Variants in IPCEF1 observed in about 807,000 individuals in gnomAD.
IPCEF1 encodes interaction protein for cytohesin exchange factors 1.
Under a neutral mutation model 50.9 loss-of-function variants are expected in IPCEF1, and 31 were observed. The ratio of observed to expected loss-of-function variants is 0.61; its 90% CI spans 0.46 to 0.82. IPCEF1 has a LOEUF of 0.82. IPCEF1 is among the 40% of genes least tolerant of loss of function. IPCEF1 has a pLI of 0.00. For synonymous variants in IPCEF1, 181 were observed against 192.0 expected (o/e 0.94, Z 0.47); for missense variants, 458 against 514.0 (o/e 0.89, Z 1.05).
At chr6:154,171,573 T>C (rs1010800006) in intron 10 of IPCEF1, among the ~76,000 whole-genome samples, 1 of 152,194 alleles carries the variant, frequency 6.6e-6, no homozygotes, top group Admixed American at 6.5e-5. Flanking sequence ...ATTCCAAATA[T>C]ACTAAAAACC....
rs1798692730 is a variant in IPCEF1, at chr6:154,155,865, T to C, written c.*3963A>G. 1 of 152,254 alleles carries C rather than the reference T, an allele frequency of 6.6e-6. No individual in the cohort carries two copies. Among genetic ancestry groups the C allele is most frequent in the Non-Finnish European group, 1.5e-5 (1 of 68,044 alleles). 9.4% of individuals were successfully genotyped at this position (152,254 alleles called of 1,614,324 possible). A position where few individuals can be genotyped will look rare whatever the true frequency, so the allele number is the denominator to read the frequency against. On this transcript the variant is annotated 3_prime_UTR_variant, in exon 12 of 12. Transcript: ENST00000367220. ...GTCTTAAATTTGAATAGCACTTCTTTTCAAAAGACTTAAAAATATTTTTTC... is the reference window on the plus strand; with the variant it reads ...GTCTTAAATTTGAATAGCACTTCTTCTCAAAAGACTTAAAAATATTTTTTC...
intron 1 of IPCEF1, among the ~76,000 whole-genome samples, chr6:154,350,865 C>T (rs1376976544): frequency 1.3e-5 from 2 of 152,118 alleles, no homozygotes; most frequent in Non-Finnish European, 2.9e-5. Flanking sequence ...GGATTACAGG[C>T]ACACATCACC....
At chr6:154,283,891 C>T (rs559630133) in intron 2 of IPCEF1, among the ~76,000 whole-genome samples, 35 of 151,802 alleles carry the variant, frequency 2.3e-4, no homozygotes, top group Non-Finnish European at 3.8e-4. Context: ...ATGTGCCCTA[C>T]GTGAAAACAT....
Position 154,246,670 on chromosome 6 carries a change from C to T in IPCEF1, c.167G>A (p.Gly56Glu). ...TTTCCATTTGTTGCTTAGGAAACTT[C>T]CCTTTTCCTTTTTCTTATACAGCCA... ...QGWLYKKKEKGSFLSNKWKKF... is the reference protein window; with the variant it reads ...QGWLYKKKEKESFLSNKWKKF... Residue 56 changes from glycine to glutamate, a missense_variant, in exon 5 of 12, where the codon GGA (glycine) becomes GAA (glutamate). Coordinates refer to ENST00000367220, the MANE Select transcript of IPCEF1 (RefSeq NM_001130700.2). The T allele has an allele frequency of 6.2e-7, 1 of 1,614,094 alleles. No homozygotes were observed. The highest frequency in any genetic ancestry group is 8.5e-7 in the Non-Finnish European group (1 of 1,179,998).
chr6:154,223,551 C>T (rs1359668084), intron 5 of IPCEF1, among the ~76,000 whole-genome samples: 4 of 93,396 alleles, frequency 4.3e-5, no homozygotes, highest in Non-Finnish European at 6.3e-5. Context: ...GAAAACATAG[C>T]TAACCCAACA....
At chr6:154,271,477 A>G (rs1389237113) in intron 2 of IPCEF1, among the ~76,000 whole-genome samples, 1 of 152,204 alleles carries the variant, frequency 6.6e-6, no homozygotes, top group East Asian at 1.9e-4. Flanking sequence ...CTTTTAAAAA[A>G]AATTACAGGA....
intron 1 of IPCEF1, among the ~76,000 whole-genome samples, chr6:154,352,237 T>C (rs1784131205): frequency 6.6e-6 from 1 of 152,234 alleles, no homozygotes. Flanking sequence ...GTCTAGAACC[T>C]AGCAAGTGCT....
chr6:154,347,943 A>G (rs957864904), intron 1 of IPCEF1, among the ~76,000 whole-genome samples: 1 of 152,168 alleles, frequency 6.6e-6, no homozygotes, highest in African/African-American at 2.4e-5. Context: ...GGTGGAAATT[A>G]CTACACCCCA....
intron 2 of IPCEF1, among the ~76,000 whole-genome samples, chr6:154,271,491 A>G (rs12198207): frequency 0.16 from 24,989 of 152,192 alleles, 2,881 homozygotes; most frequent in East Asian, 0.65. Flanking sequence ...TACAGGACAT[A>G]CCAACTCTTT....
chr6:154,320,078 T>C (rs1783334840), intron 1 of IPCEF1, among the ~76,000 whole-genome samples: 1 of 152,226 alleles, frequency 6.6e-6, no homozygotes, highest in Non-Finnish European at 1.5e-5. Context: ...TTTATTCTGT[T>C]GTTTTCAGTT....
intron 1 of IPCEF1, among the ~76,000 whole-genome samples, chr6:154,331,132 T>C (rs1183711029): frequency 6.6e-6 from 1 of 152,014 alleles, no homozygotes; most frequent in Non-Finnish European, 1.5e-5. Context: ...CCAGGTATGG[T>C]GGCATGTGCC....
chr6:154,317,200 G>C lies in IPCEF1; in HGVS notation c.-61-27444C>G, dbSNP rs372538210. ...GTGTTTGTCAAAGAATCTGTACCTAGAATACATAAAGAATTCCTCCAACTC... is the reference window on the plus strand; with the variant it reads ...GTGTTTGTCAAAGAATCTGTACCTACAATACATAAAGAATTCCTCCAACTC... On this transcript the variant is annotated intron_variant, in intron 1 of 11. Transcript: ENST00000367220. 8.5e-5 allele frequency among the ~76,000 whole-genome samples: 13 copies of C among 152,088 alleles called. No homozygotes were observed. In the East Asian group the frequency reaches 2.1e-3, roughly 25 times the overall value.
At chr6:154,282,945 A>T (rs1426174837) in intron 2 of IPCEF1, among the ~76,000 whole-genome samples, 5 of 152,144 alleles carry the variant, frequency 3.3e-5, no homozygotes, top group Non-Finnish European at 7.4e-5. Context: ...GCCCAAGGAG[A>T]GAGTGGAAAA....
intron 1 of IPCEF1, among the ~76,000 whole-genome samples, 200 bp from the exon 2 acceptor site, chr6:154,289,956 C>CCCA (rs1011185008): frequency 6.6e-6 from 1 of 151,874 alleles, no homozygotes; most frequent in Non-Finnish European, 1.5e-5. Flanking sequence ...TCAGGAAAGT[C>CCCA]CCACCACCAC....
intron 2 of IPCEF1, among the ~76,000 whole-genome samples, chr6:154,281,033 C>T (rs772317824): frequency 6.6e-6 from 1 of 151,770 alleles, no homozygotes; most frequent in African/African-American, 2.4e-5. Flanking sequence ...GAATCCCCAT[C>T]TCAACAAAAA....
At chr6:154,288,547 G>A (rs1195713163) in intron 2 of IPCEF1, among the ~76,000 whole-genome samples, 2 of 151,730 alleles carry the variant, frequency 1.3e-5, no homozygotes, top group Non-Finnish European at 2.9e-5. Context: ...CTTGTAGTCC[G>A]AGCTACCAGG....
Position 154,252,681 on chromosome 6 carries a change from CA to C in IPCEF1, c.37-5194del, listed in dbSNP as rs796831264. Among the ~76,000 whole-genome samples the C allele has an allele frequency of 2.0e-5, 3 of 149,334 alleles. 1 individual carries two copies. Among genetic ancestry groups the C allele is most frequent in the East Asian group, 2.0e-4 (1 of 5,094 alleles). On this transcript the variant is annotated intron_variant, in intron 3 of 11. Transcript: ENST00000367220. ...CAGAGCAAGACTCCATCTCGAAAAA[CA>C]AAAAAAAAGAAAAGAAAAAACGAAG...
intron 3 of IPCEF1, among the ~76,000 whole-genome samples, chr6:154,255,441 T>G (rs988930285): frequency 1.8e-4 from 28 of 152,242 alleles, no homozygotes; most frequent in African/African-American, 6.8e-4. Context: ...ATTTTTCTTT[T>G]CACTCTCTTA....
chr6:154,163,793 A>T (rs1799213012), intron 11 of IPCEF1, among the ~76,000 whole-genome samples: 1 of 152,260 alleles, frequency 6.6e-6, no homozygotes, highest in African/African-American at 2.4e-5. Context: ...TTAAACAAAA[A>T]AACTAGACAT....
Sources: gnomAD v4.1 joint callset for allele counts (sites outside exome capture counted in the v4.1 genomes callset) on GRCh38, gnomAD v4.1.1 for gene constraint, MANE v1.5 for transcripts, NCBI Gene and HGNC (gene_info 2026-07-23, HGNC 2026-07-21) for gene names.